The following ATP8B2 variants were observed in gnomAD, a reference collection of about 807,000 sequenced individuals.
ATP8B2 encodes the protein phospholipid-transporting ATPase ID.
ATP8B2 carries 70 observed loss-of-function variants against 133.4 expected under a neutral mutation model. The observed-to-expected ratio is 0.52, with a 90% CI of 0.43 to 0.64. The LOEUF (loss-of-function observed/expected upper bound fraction) is 0.64. Among genes scored for constraint, ATP8B2 ranks in the 30% least tolerant of loss-of-function variants. The pLI is 0.00. For missense variants in ATP8B2, 1,101 were observed against 1,535.7 expected (o/e 0.72, Z 4.73); for synonymous variants, 517 against 589.5 (o/e 0.88, Z 1.78).
intron 1 of ATP8B2, chr1:154,327,715 C>A: frequency 2.2e-6 from 3 of 1,389,608 alleles, no homozygotes; most frequent in South Asian, 2.4e-5. Context: ...TCCCTCCACC[C>A]CACCCTTTGG....
chr1:154,327,962 C>T, intron 1 of ATP8B2, 143 bp from the exon 2 acceptor site: 1 of 1,518,794 alleles, frequency 6.6e-7, no homozygotes, highest in Non-Finnish European at 9.1e-7. Context: ...CCCATCATGG[C>T]AGTAAGAGGA....
rs1686329302 is a variant in ATP8B2, at chr1:154,340,161, CAG to C, written c.1035-689_1035-688del. On this transcript the variant is annotated intron_variant, in intron 12 of 27. Transcript: ENST00000368489. The surrounding 1 kb of genome is among the most constrained non-coding windows in gnomAD (Gnocchi z 4.0). ...CACTACTGCACTCCAGCTTGGGTGA[CAG>C]AGACCCTAGCTCAAAAAACAAACAA... Among the ~76,000 whole-genome samples, 1 of 152,172 alleles carries C rather than the reference CAG, an allele frequency of 6.6e-6. No individual in the cohort carries two copies. The highest frequency in any genetic ancestry group is 1.5e-5 in the Non-Finnish European group (1 of 68,032).
In ATP8B2 at chr1:154,346,318, A is replaced by C; in HGVS notation, c.2866A>C (p.Ile956Leu). 1 of 1,613,650 alleles carries C rather than the reference A, an allele frequency of 6.2e-7. No homozygotes were observed. Among genetic ancestry groups the C allele is most frequent in the Non-Finnish European group, 8.5e-7 (1 of 1,179,846 alleles). ...NLLFNKREFF[I>L]CIAQGIYTSV... ...TCTCTTCAACAAGCGGGAGTTCTTC[A>C]TCTGCATCGCCCAGGGCATCTACAC... is the stretch of plus-strand genomic sequence containing the variant. The change falls in exon 25 of 28, where the codon ATC becomes CTC. Residue 956 changes from isoleucine to leucine, a missense_variant. Coordinates refer to ENST00000368489, the MANE Select transcript of ATP8B2 (RefSeq NM_001370597.1). The surrounding 1 kb of genome is among the most constrained non-coding windows in gnomAD (Gnocchi z 4.5).
chr1:154,330,576 C>T (rs771489863), intron 3 of ATP8B2, 122 bp downstream of exon 3: 76 of 1,011,008 alleles, frequency 7.5e-5, no homozygotes, highest in Non-Finnish European at 1.1e-4. Context: ...GAAGCAACCT[C>T]CTCAGCCACT....
chr1:154,328,226 A>T lies in ATP8B2; in HGVS notation c.31+54A>T. On this transcript the variant is annotated intron_variant, in intron 2 of 27. Coordinates refer to ENST00000368489, the MANE Select transcript of ATP8B2 (RefSeq NM_001370597.1). The surrounding 1 kb of genome is among the most constrained non-coding windows in gnomAD (Gnocchi z 4.6). Reference sequence around the variant, plus strand: ...GGAACCATCAAGAGTGGGTGTTGTTATGGCTCAGGGAGCAAAAGGAAAAGG... The same window carrying T: ...GGAACCATCAAGAGTGGGTGTTGTTTTGGCTCAGGGAGCAAAAGGAAAAGG... 1 of 1,557,130 alleles carries T rather than the reference A, an allele frequency of 6.4e-7. No homozygotes were observed. Among genetic ancestry groups the T allele is most frequent in the African/African-American group, 1.4e-5 (1 of 73,746 alleles).
At position 154,341,076 on chromosome 1, in the gene ATP8B2, A is replaced by G. The variant is rs1686363639; in HGVS notation, c.1243+14A>G. The G allele has an allele frequency of 6.2e-7, 1 of 1,613,248 alleles. No individual in the cohort carries two copies. Among genetic ancestry groups the G allele is most frequent in the South Asian group, 1.1e-5 (1 of 91,042 alleles). On this transcript the variant is annotated intron_variant, in intron 13 of 27. Transcript: ENST00000368489. The stretch of plus-strand genomic sequence containing the variant: ...GCCACAGCTATGGTATGGTGGCACC[A>G]CTGGGGACTGGGGGCTTGCACCTCG...
intron 2 of ATP8B2, among the ~76,000 whole-genome samples, 175 bp from the exon 3 acceptor site, chr1:154,330,221 G>T (rs761909821): frequency 6.6e-6 from 1 of 152,118 alleles, no homozygotes; most frequent in Non-Finnish European, 1.5e-5. Flanking sequence ...CTGGAGAGCC[G>T]TGTGGTCAGG....
In ATP8B2 at chr1:154,345,182, G is replaced by T. The variant is rs1490312397; in HGVS notation, c.2470+28G>T. ...GAGTGTGGGCTGTGCAGGTGTGTAG[G>T]CTGGGCTTGAGGCTGGGGAGGGGCC... is the stretch of plus-strand genomic sequence containing the variant. On this transcript the variant is annotated intron_variant, in intron 22 of 27. Coordinates refer to ENST00000368489, the MANE Select transcript of ATP8B2 (RefSeq NM_001370597.1). This position sits in a 1 kb window ranked among gnomAD's most constrained non-coding sequence, Gnocchi z 5.6. 4 of 1,607,012 alleles carry T rather than the reference G, an allele frequency of 2.5e-6. No individual in the cohort carries two copies. The highest frequency in any genetic ancestry group is 1.3e-5 in the African/African-American group (1 of 74,812).
In ATP8B2 at chr1:154,349,285, C is replaced by A. The variant is rs1250789048; in HGVS notation, c.*167C>A. The A allele has an allele frequency of 3.1e-6, 3 of 952,662 alleles. No individual in the cohort carries two copies. Among genetic ancestry groups the A allele is most frequent in the South Asian group, 1.7e-5 (1 of 57,672 alleles). 59.0% of individuals were successfully genotyped at this position (952,662 alleles called of 1,614,324 possible). A position where few individuals can be genotyped will look rare whatever the true frequency, so the allele number is the denominator to read the frequency against. ...ACATGGCTGGGACATCTGTTCCCAG[C>A]TGTAGGCCCTTCCACCAGCTGGGGA... On this transcript the variant is annotated 3_prime_UTR_variant, in exon 28 of 28. Coordinates refer to ENST00000368489, the MANE Select transcript of ATP8B2 (RefSeq NM_001370597.1).
rs1402235773 is a variant in ATP8B2, at chr1:154,343,458, A to G, written c.1648A>G (p.Asn550Asp). ...IRKRMSVIVRNPEGKIRLYCK... is the reference protein window; with the variant it reads ...IRKRMSVIVRDPEGKIRLYCK... ...TTCACCTGCCCCATTCATAGTGCGGAATCCAGAGGGGAAGATCCGACTCTA... is the reference window on the plus strand; with the variant it reads ...TTCACCTGCCCCATTCATAGTGCGGGATCCAGAGGGGAAGATCCGACTCTA... Residue 550 changes from asparagine to aspartate, a missense_variant, in exon 17 of 28, where the codon AAT (asparagine) becomes GAT (aspartate). Asn to Asp is a conservative substitution (Grantham distance 23). Coordinates refer to ENST00000368489, the MANE Select transcript of ATP8B2 (RefSeq NM_001370597.1). The surrounding 1 kb of genome is among the most constrained non-coding windows in gnomAD (Gnocchi z 5.8). 8 of 1,613,922 alleles carry G rather than the reference A, an allele frequency of 5.0e-6. No individual in the cohort carries two copies. The highest frequency in any genetic ancestry group is 6.8e-6 in the Non-Finnish European group (8 of 1,179,990).
chr1:154,335,598 G>A (rs963695800), intron 11 of ATP8B2, among the ~76,000 whole-genome samples: 6 of 151,956 alleles, frequency 3.9e-5, no homozygotes, highest in Admixed American at 6.6e-5. Flanking sequence ...AGGCTGAGGC[G>A]GGGGGATTGC....
chr1:154,338,144 T>C (rs903197480), intron 12 of ATP8B2, among the ~76,000 whole-genome samples: 1 of 152,112 alleles, frequency 6.6e-6, no homozygotes, highest in Non-Finnish European at 1.5e-5. Context: ...TGGCATTTGC[T>C]CTGGGCTTTG....
In ATP8B2 at chr1:154,328,659, G is replaced by T. The variant is rs528803470; in HGVS notation, c.31+487G>T. The T allele has an allele frequency of 1.7e-6, 1 of 585,200 alleles. No individual in the cohort carries two copies. Among genetic ancestry groups the T allele is most frequent in the Non-Finnish European group, 2.2e-6 (1 of 462,204 alleles). The allele number at this position is 585,200 out of a possible 1,614,324, so 36.3% of individuals were successfully genotyped here. ...CTCGCGCGCGAGCTTTCGCCTACGC[G>T]GCGCGCTGGCAGGCTGCGGCTCCTG... On this transcript the variant is annotated intron_variant, in intron 2 of 27. Coordinates refer to ENST00000368489, the MANE Select transcript of ATP8B2 (RefSeq NM_001370597.1). This position sits in a 1 kb window ranked among gnomAD's most constrained non-coding sequence, Gnocchi z 4.6.
rs781512620 is a variant in ATP8B2, at chr1:154,334,830, T to C, written c.837+239T>C. 3.3e-5 allele frequency among the ~76,000 whole-genome samples: 5 copies of C among 152,170 alleles called. No individual in the cohort carries two copies. The highest frequency in any genetic ancestry group is 7.4e-5 in the Non-Finnish European group (5 of 68,024). On this transcript the variant is annotated intron_variant, in intron 11 of 27. Coordinates refer to ENST00000368489, the MANE Select transcript of ATP8B2 (RefSeq NM_001370597.1). This position sits in a 1 kb window ranked among gnomAD's most constrained non-coding sequence, Gnocchi z 4.6. ...TAAAGCTAAAACAAATCATCCCTTCTCTGATTCCAGTTATGATGATGACTT... is the reference window on the plus strand; with the variant it reads ...TAAAGCTAAAACAAATCATCCCTTCCCTGATTCCAGTTATGATGATGACTT...
In ATP8B2 at chr1:154,337,911, AC is replaced by A. The variant is rs1232340101; in HGVS notation, c.1034+368del. The A allele has an allele frequency of 9.1e-6, 5 of 549,710 alleles. No individual in the cohort carries two copies. The Admixed American group carries it at 2.0e-4, about 22-fold the overall frequency. 34.1% of individuals were successfully genotyped at this position (549,710 alleles called of 1,614,324 possible). On this transcript the variant is annotated intron_variant, in intron 12 of 27. Transcript: ENST00000368489. ...AAGGAAAATCTAAACACATTATAAA[AC>A]AAAATAGGAACCAGTGCTGTAGAAT...
In ATP8B2 at chr1:154,340,451, C is replaced by A; in HGVS notation, c.1035-403C>A. 4.8e-6 allele frequency: 1 copy of A among 207,260 alleles called. No homozygotes were observed. Among genetic ancestry groups the A allele is most frequent in the Non-Finnish European group, 1.1e-5 (1 of 92,168 alleles). The allele number at this position is 207,260 out of a possible 1,614,324, so 12.8% of individuals were successfully genotyped here. On this transcript the variant is annotated intron_variant, in intron 12 of 27. Transcript: ENST00000368489. This position sits in a 1 kb window ranked among gnomAD's most constrained non-coding sequence, Gnocchi z 4.0. ...GTCTGTGTTGCTGTGGCATGCACAG[C>A]ACCCTCATTATTTCTCTCTCTCTTT... is the stretch of plus-strand genomic sequence containing the variant.
At position 154,344,578 on chromosome 1, in the gene ATP8B2, T is replaced by G; in HGVS notation, c.2142-63T>G. On this transcript the variant is annotated intron_variant, in intron 20 of 27. Coordinates refer to ENST00000368489, the MANE Select transcript of ATP8B2 (RefSeq NM_001370597.1). The surrounding 1 kb of genome is among the most constrained non-coding windows in gnomAD (Gnocchi z 4.1). ...GTGGGGGTTTCTGGACCATTTAGAC[T>G]TGAATCCCTGCTCCCCACTGCCGTT... 1 of 1,609,874 alleles carries G rather than the reference T, an allele frequency of 6.2e-7. No individual in the cohort carries two copies. Among genetic ancestry groups the G allele is most frequent in the Non-Finnish European group, 8.5e-7 (1 of 1,176,560 alleles).
At chr1:154,338,741 CTAAG>C (rs1447097157) in intron 12 of ATP8B2, 1 of 152,174 alleles carries the variant, frequency 6.6e-6, no homozygotes, top group African/African-American at 2.4e-5. Context: ...AAAATGCATT[CTAAG>C]TGTTACAGCT....
At position 154,346,239 on chromosome 1, in the gene ATP8B2, C is replaced by T. The variant is rs773791770; in HGVS notation, c.2787C>T (p.Pro929=). 15 of 1,613,594 alleles carry T rather than the reference C, an allele frequency of 9.3e-6. No individual in the cohort carries two copies. The highest frequency in any genetic ancestry group is 2.2e-5 in the East Asian group (1 of 44,900). The change falls in exon 25 of 28, where the codon CCC becomes CCT. Residue 929 remains proline (P), a synonymous_variant. Coordinates refer to ENST00000368489, the MANE Select transcript of ATP8B2 (RefSeq NM_001370597.1). The surrounding 1 kb of genome is among the most constrained non-coding windows in gnomAD (Gnocchi z 4.5). The part of the protein sequence containing the change: ...LAMGVFDQDV[P]EQRSMEYPKL... Reference sequence around the variant, plus strand: ...ATGGTCCTCCCACACAGGATGTCCCCGAGCAGCGGAGCATGGAGTACCCTA... The same window carrying T: ...ATGGTCCTCCCACACAGGATGTCCCTGAGCAGCGGAGCATGGAGTACCCTA...
Sources: gnomAD v4.1 joint callset for allele counts (sites outside exome capture counted in the v4.1 genomes callset) on GRCh38, gnomAD v4.1.1 for gene constraint, Gnocchi (gnomAD v3.1) non-coding constraint, MANE v1.5 for transcripts, NCBI Gene and HGNC (gene_info 2026-07-23, HGNC 2026-07-21) for gene names.